Variants in LRRTM4 observed in about 807,000 individuals in gnomAD.
LRRTM4 encodes leucine-rich repeat transmembrane neuronal protein 4.
A neutral mutation model predicts 47.6 loss-of-function variants in LRRTM4; 25 were observed. The ratio of observed to expected loss-of-function variants is 0.53; its 90% CI spans 0.38 to 0.73. LRRTM4 has a LOEUF of 0.73. Ranked by LOEUF, LRRTM4 falls within the 30% of genes least tolerant of loss-of-function variation. The probability of loss-of-function intolerance (pLI) is 0.00; values close to 1 mark genes in which losing one functional copy is unlikely to be tolerated. For missense variants in LRRTM4, 638 were observed against 713.4 expected, an observed-to-expected ratio of 0.89 and a Z score of 1.20; for synonymous variants, 311 against 269.5, an observed-to-expected ratio of 1.15 and a Z score of -1.51.
chr2:77,060,628 G>A (rs1679755800), intron 3 of LRRTM4, among the ~76,000 whole-genome samples: 1 of 151,844 alleles, frequency 6.6e-6, no homozygotes, highest in African/African-American at 2.4e-5. Flanking sequence ...CAATATTAAG[G>A]GAATATCTAT....
intron 3 of LRRTM4, among the ~76,000 whole-genome samples, chr2:76,779,819 T>G (rs992821662): frequency 6.6e-6 from 1 of 152,180 alleles, no homozygotes; most frequent in Admixed American, 6.5e-5. Context: ...GTTAGCTGGT[T>G]ATTTTGCTCG....
intron 3 of LRRTM4, among the ~76,000 whole-genome samples, chr2:77,429,376 G>C (rs1341817427): frequency 6.6e-6 from 1 of 151,958 alleles, no homozygotes; most frequent in African/African-American, 2.4e-5. Context: ...AAGAAAATTG[G>C]TATGTTTAAA....
intron 3 of LRRTM4, among the ~76,000 whole-genome samples, chr2:77,130,852 T>TTTTTTTTAAG (rs58493083): frequency 8.3e-6 from 1 of 120,826 alleles, no homozygotes; most frequent in Admixed American, 8.5e-5. Flanking sequence ...TTTTTTTTTT[T>TTTTTTTTAAG]GAGACGGAGT....
At chr2:76,949,355 C>T (rs765323539) in intron 3 of LRRTM4, among the ~76,000 whole-genome samples, 9 of 151,888 alleles carry the variant, frequency 5.9e-5, no homozygotes, top group African/African-American at 1.4e-4. Context: ...ATTGGGAATT[C>T]GCTCTCATGG....
chr2:77,425,753 C>G (rs967093760), intron 3 of LRRTM4, among the ~76,000 whole-genome samples: 1 of 152,116 alleles, frequency 6.6e-6, no homozygotes, highest in Non-Finnish European at 1.5e-5. Context: ...CTATATCCAG[C>G]TCTCCTTTCA....
At chr2:77,339,280 A>T (rs2104271165) in intron 3 of LRRTM4, among the ~76,000 whole-genome samples, 1 of 152,150 alleles carries the variant, frequency 6.6e-6, no homozygotes, top group African/African-American at 2.4e-5. Flanking sequence ...TTTTAACTGC[A>T]ATTTACTTAA....
Position 77,171,724 on chromosome 2 carries a change from T to C in LRRTM4, c.1551+346594A>G, listed in dbSNP as rs1379448353. ...AATATTTATTACCTTTAAATGAAGA[T>C]AATTGTCTAAGTTAGTATTTCAAGG... is the stretch of plus-strand genomic sequence containing the variant. On this transcript the variant is annotated intron_variant, in intron 3 of 3. Transcript: ENST00000409884. 3.9e-5 allele frequency among the ~76,000 whole-genome samples: 6 copies of C among 152,100 alleles called. No individual in the cohort carries two copies. The East Asian group carries it at 1.2e-3, about 29-fold the overall frequency.
intron 3 of LRRTM4, among the ~76,000 whole-genome samples, chr2:76,921,161 G>A (rs1674421463): frequency 6.6e-6 from 1 of 151,996 alleles, no homozygotes; most frequent in African/African-American, 2.4e-5. Context: ...GCATTCTTAG[G>A]TGCTTCTTGG....
chr2:77,186,742 AACTCATTT>A (rs1673515092), intron 3 of LRRTM4, among the ~76,000 whole-genome samples: 1 of 152,098 alleles, frequency 6.6e-6, no homozygotes, highest in Non-Finnish European at 1.5e-5. Flanking sequence ...TGATTCCTTC[AACTCATTT>A]ATGGAGAGAT....
intron 3 of LRRTM4, among the ~76,000 whole-genome samples, chr2:76,808,420 G>GAAAAT (rs989192207): frequency 1.4e-5 from 2 of 143,640 alleles, no homozygotes; most frequent in African/African-American, 2.7e-5. Flanking sequence ...CAACTGCATT[G>GAAAAT]AAAATATATA....
intron 3 of LRRTM4, among the ~76,000 whole-genome samples, chr2:77,071,698 G>A (rs1008764554): frequency 3.3e-5 from 5 of 152,144 alleles, no homozygotes; most frequent in African/African-American, 1.2e-4. Context: ...AATCTAAATT[G>A]TTTTCTTGTT....
intron 3 of LRRTM4, among the ~76,000 whole-genome samples, chr2:77,453,849 C>CT (rs1676361671): frequency 6.6e-6 from 1 of 151,972 alleles, no homozygotes; most frequent in African/African-American, 2.4e-5. Flanking sequence ...TAGTATTTAA[C>CT]TTTTTATTTT....
chr2:77,183,618 A>T (rs1673414829), intron 3 of LRRTM4, among the ~76,000 whole-genome samples: 1 of 152,208 alleles, frequency 6.6e-6, no homozygotes, highest in Non-Finnish European at 1.5e-5. Flanking sequence ...GCTGCTATAA[A>T]GATACATGCA....
At chr2:77,456,455 C>T (rs1316252374) in intron 3 of LRRTM4, among the ~76,000 whole-genome samples, 1 of 152,130 alleles carries the variant, frequency 6.6e-6, no homozygotes, top group Non-Finnish European at 1.5e-5. Flanking sequence ...CCTCCCTGTC[C>T]ATTTGAAATA....
At chr2:77,175,501 T>C (rs533202018) in intron 3 of LRRTM4, among the ~76,000 whole-genome samples, 1 of 152,210 alleles carries the variant, frequency 6.6e-6, no homozygotes, top group South Asian at 2.1e-4. Flanking sequence ...TCTCCTAGGA[T>C]TGATTGTATC....
chr2:77,092,313 A>G (rs1452376105), intron 3 of LRRTM4, among the ~76,000 whole-genome samples: 1 of 151,504 alleles, frequency 6.6e-6, no homozygotes, highest in Admixed American at 6.6e-5. Flanking sequence ...CCATTTCCCC[A>G]AATTTCCTTC....
chr2:76,949,602 G>A (rs1675434595), intron 3 of LRRTM4, among the ~76,000 whole-genome samples: 1 of 151,874 alleles, frequency 6.6e-6, no homozygotes, highest in African/African-American at 2.4e-5. Context: ...CAGAGAAATG[G>A]TGATGCTCAG....
intron 3 of LRRTM4, among the ~76,000 whole-genome samples, chr2:77,069,277 T>C (rs2103822033): frequency 6.6e-6 from 1 of 152,258 alleles, no homozygotes; most frequent in African/African-American, 2.4e-5. Context: ...ATGAATAACA[T>C]ATATATTATG....
At chr2:77,021,189 G>A (rs1678256828) in intron 3 of LRRTM4, among the ~76,000 whole-genome samples, 1 of 151,648 alleles carries the variant, frequency 6.6e-6, no homozygotes, top group South Asian at 2.1e-4. Context: ...TATATAATCA[G>A]TGATATATAT....
Sources: gnomAD v4.1 joint callset for allele counts (sites outside exome capture counted in the v4.1 genomes callset) on GRCh38, gnomAD v4.1.1 for gene constraint, MANE v1.5 for transcripts, NCBI Gene and HGNC (gene_info 2026-07-23, HGNC 2026-07-21) for gene names.